The following RBFOX1 variants were observed in gnomAD, a reference collection of about 807,000 sequenced individuals.
RBFOX1 encodes the protein RNA binding fox-1 homolog 1, also known as RNA binding protein fox-1 homolog 1.
RBFOX1 carries 8 observed loss-of-function variants against 57.7 expected under a neutral mutation model. The observed-to-expected ratio is 0.14, with a 90% CI of 0.08 to 0.25. The LOEUF is 0.25. RBFOX1 is among the 10% of genes least tolerant of loss of function. The pLI is 1.00. For synonymous variants in RBFOX1, 326 were observed against 222.4 expected (o/e 1.47, Z -4.15); for missense variants, 611 against 548.5 (o/e 1.11, Z -1.14).
At chr16:7,668,020 C>T (rs899446346) in intron 13 of RBFOX1, among the ~76,000 whole-genome samples, 2 of 152,132 alleles carry the variant, frequency 1.3e-5, no homozygotes, top group African/African-American at 2.4e-5. Context: ...TTTCTAGCTT[C>T]GGTCACTGCT....
chr16:5,427,706 T>A (rs963869509), intron 1 of RBFOX1, among the ~76,000 whole-genome samples: 10 of 152,340 alleles, frequency 6.6e-5, no homozygotes, highest in African/African-American at 2.4e-4. Context: ...GGCCGTCTGC[T>A]GTAAGAATTT....
chr16:7,443,041 C>T (rs930100025), intron 4 of RBFOX1, among the ~76,000 whole-genome samples: 1 of 152,182 alleles, frequency 6.6e-6, no homozygotes, highest in Non-Finnish European at 1.5e-5. Flanking sequence ...TTACTTTGGG[C>T]AGCCCCATTC....
chr16:5,342,585 C>T (rs2151297745), intron 1 of RBFOX1, among the ~76,000 whole-genome samples: 1 of 152,250 alleles, frequency 6.6e-6, no homozygotes, highest in East Asian at 1.9e-4. Context: ...GGCCATGAAA[C>T]AGGGAAAGGA....
At chr16:5,687,912 C>T (rs1055025495) in intron 3 of RBFOX1, among the ~76,000 whole-genome samples, 2 of 152,178 alleles carry the variant, frequency 1.3e-5, no homozygotes, top group Admixed American at 1.3e-4. Flanking sequence ...CTGCTCTACA[C>T]CTTTAAGGAA....
chr16:7,108,189 GA>G (rs2063956239), intron 4 of RBFOX1, among the ~76,000 whole-genome samples: 1 of 152,146 alleles, frequency 6.6e-6, no homozygotes, highest in Non-Finnish European at 1.5e-5. Flanking sequence ...TGATGGTTCA[GA>G]ACAGTCTCTG....
At chr16:7,486,557 C>T (rs1035493853) in intron 4 of RBFOX1, among the ~76,000 whole-genome samples, 10 of 152,164 alleles carry the variant, frequency 6.6e-5, no homozygotes, top group Non-Finnish European at 1.3e-4. Flanking sequence ...AGCATCTCCC[C>T]TGTAGAGTGG....
intron 4 of RBFOX1, among the ~76,000 whole-genome samples, chr16:7,102,912 T>C (rs2062934201): frequency 6.6e-6 from 1 of 152,096 alleles, no homozygotes; most frequent in African/African-American, 2.4e-5. Flanking sequence ...ATTGTGAGTA[T>C]TGGAGTTTAC....
intron 1 of RBFOX1, among the ~76,000 whole-genome samples, chr16:5,397,225 G>GCTT (rs2066584068): frequency 2.6e-5 from 4 of 152,228 alleles, no homozygotes; most frequent in Admixed American, 2.6e-4. Flanking sequence ...AGGCTGAAAG[G>GCTT]CTTCTCTAAA....
At chr16:7,694,553 A>G (rs764258612) in intron 14 of RBFOX1, among the ~76,000 whole-genome samples, 2 of 152,208 alleles carry the variant, frequency 1.3e-5, no homozygotes, top group Admixed American at 6.5e-5. Flanking sequence ...ATTTTAAAAC[A>G]ATGGTATACT....
chr16:6,302,524 A>G (rs1353200361), intron 1 of RBFOX1, among the ~76,000 whole-genome samples: 3 of 152,160 alleles, frequency 2.0e-5, no homozygotes, highest in Non-Finnish European at 4.4e-5. Flanking sequence ...TCTTGTGGGT[A>G]GGAATGTGTC....
chr16:6,148,792 G>GGA (rs1173672911), intron 1 of RBFOX1, among the ~76,000 whole-genome samples: 2 of 152,186 alleles, frequency 1.3e-5, no homozygotes, highest in Non-Finnish European at 2.9e-5. Context: ...CCACAAGGGT[G>GGA]GAGTGGGGAT....
chr16:7,398,406 T>C (rs535272332), intron 4 of RBFOX1, among the ~76,000 whole-genome samples: 4 of 152,328 alleles, frequency 2.6e-5, no homozygotes, highest in African/African-American at 9.6e-5. Context: ...TAAGATTTTG[T>C]TAATGTCTAC....
At chr16:5,490,477 C>A (rs916671597) in intron 2 of RBFOX1, among the ~76,000 whole-genome samples, 1 of 151,900 alleles carries the variant, frequency 6.6e-6, no homozygotes, top group Non-Finnish European at 1.5e-5. Context: ...GAGAGGCGTC[C>A]TGGGAACCTG....
In RBFOX1 at chr16:5,899,298, A is replaced by G. The variant is rs554440583; in HGVS notation, c.351+31963A>G. Among the ~76,000 whole-genome samples the G allele has an allele frequency of 2.6e-5, 4 of 152,068 alleles. No homozygotes were observed. The East Asian group carries it at 5.8e-4, about 22-fold the overall frequency. ...AGATCTCAAAGGATCATACAAACAG[A>G]CACAAACATGATGAGATCTACAGAG... On this transcript the variant is annotated intron_variant, in intron 4 of 19. Transcript: ENST00000641259.
rs2064029596 is a variant in RBFOX1 at position 5,309,599 on chromosome 16, T to C, written c.219+69494T>C. Among the ~76,000 whole-genome samples the C allele has an allele frequency of 2.6e-5, 4 of 152,198 alleles. No individual in the cohort carries two copies. In the South Asian group the frequency reaches 8.3e-4, roughly 32 times the overall value. ...AGCGGTGAAGTGTGGGCTTTAAGTG[T>C]AACCATCACGTGAATAGTGTACATT... is the stretch of plus-strand genomic sequence containing the variant. On this transcript the variant is annotated intron_variant, in intron 1 of 2. Coordinates refer to the RBFOX1 transcript ENST00000585867.
intron 2 of RBFOX1, among the ~76,000 whole-genome samples, chr16:6,355,852 A>T (rs1457065578): frequency 3.9e-5 from 6 of 152,172 alleles, no homozygotes; most frequent in African/African-American, 1.4e-4. Context: ...TTCAACTAGA[A>T]GTTGGTATAT....
intron 2 of RBFOX1, among the ~76,000 whole-genome samples, chr16:5,492,564 A>G (rs2042869060): frequency 6.6e-6 from 1 of 152,214 alleles, no homozygotes; most frequent in African/African-American, 2.4e-5. Flanking sequence ...GAACATTTTA[A>G]GCAGAGGCAG....
chr16:6,450,604 CCT>C (rs1237041931), intron 2 of RBFOX1, among the ~76,000 whole-genome samples: 7 of 149,682 alleles, frequency 4.7e-5, no homozygotes. Flanking sequence ...GTTTCCAACC[CCT>C]GTTTCCATTT....
At chr16:7,400,776 G>A (rs2098228471) in intron 4 of RBFOX1, among the ~76,000 whole-genome samples, 1 of 152,180 alleles carries the variant, frequency 6.6e-6, no homozygotes, top group African/African-American at 2.4e-5. Context: ...ATGGATTTCA[G>A]TTCCCAGCAG....
Sources: allele counts gnomAD v4.1 joint callset (sites outside exome capture counted in the v4.1 genomes callset), GRCh38; gene constraint gnomAD v4.1.1; transcripts MANE v1.5; gene names NCBI Gene and HGNC (gene_info 2026-07-23, HGNC 2026-07-21).